Variants in FGF13 observed in about 807,000 individuals in gnomAD.
The protein encoded by FGF13 is fibroblast growth factor 13.
In FGF13, 2 loss-of-function variants were observed where a neutral mutation model predicts 19.5. That is an observed-to-expected ratio of 0.10 (90% CI 0.04 to 0.32). The LOEUF (loss-of-function observed/expected upper bound fraction) is 0.32. FGF13 is among the 10% of genes least tolerant of loss of function. FGF13 has a pLI of 1.00. For missense variants in FGF13, 113 were observed against 192.7 expected, an observed-to-expected ratio of 0.59 and a Z score of 2.45; for synonymous variants, 72 against 76.9, an observed-to-expected ratio of 0.94 and a Z score of 0.33.
At chrX:138,751,269 C>G (rs774183851) in intron 3 of FGF13, among the ~76,000 whole-genome samples, 1 of 111,280 alleles carries the variant, frequency 9.0e-6, no homozygotes, top group Admixed American at 9.5e-5. Context: ...ATGCACTATA[C>G]GCCAGACTAG....
chrX:139,187,775 T>A (rs928089591), intron 1 of FGF13, among the ~76,000 whole-genome samples: 1 of 112,107 alleles, frequency 8.9e-6, no homozygotes, highest in African/African-American at 3.2e-5. Flanking sequence ...AAAAACTGCA[T>A]TTTCAATATT....
chrX:138,831,624 C>A (rs143256374), intron 3 of FGF13, among the ~76,000 whole-genome samples: 2 of 111,605 alleles, frequency 1.8e-5, no homozygotes, highest in African/African-American at 6.5e-5. Flanking sequence ...ATATTCTATT[C>A]CTGTCCTTCC....
chrX:138,994,644 C>A (rs1328236752), intron 1 of FGF13, among the ~76,000 whole-genome samples: 1 of 110,720 alleles, frequency 9.0e-6, no homozygotes, highest in Non-Finnish European at 1.9e-5. Flanking sequence ...GCATTTGCAT[C>A]AATATTCATA....
Position 139,009,281 on chromosome X carries a change from A to G in FGF13, c.-112-144631T>C, listed in dbSNP as rs924589303. On this transcript the variant is annotated intron_variant, in intron 1 of 2. Coordinates refer to the FGF13 transcript ENST00000421460. ...TGACCTTGCTAGAGATCTAGAAATC[A>G]AAATACAAGAAGCTCAAAGAACACC... 4.5e-5 allele frequency among the ~76,000 whole-genome samples: 5 copies of G among 111,661 alleles called. No individual in the cohort carries two copies. The Admixed American group carries it at 4.7e-4, about 11-fold the overall frequency.
At chrX:138,960,933 C>T (rs2091866273) in intron 1 of FGF13, among the ~76,000 whole-genome samples, 1 of 111,405 alleles carries the variant, frequency 9.0e-6, no homozygotes, top group Non-Finnish European at 1.9e-5. Context: ...AGGTTTTTAG[C>T]TTCCTGGCGA....
intron 1 of FGF13, among the ~76,000 whole-genome samples, chrX:139,142,050 CA>C (rs1398652835): frequency 8.9e-6 from 1 of 111,770 alleles, no homozygotes; most frequent in Non-Finnish European, 1.9e-5. Context: ...TTAAGGTACA[CA>C]TTCTGCCTGA....
intron 1 of FGF13, among the ~76,000 whole-genome samples, chrX:139,139,938 T>A (rs368108296): frequency 1.8e-5 from 2 of 111,576 alleles, no homozygotes; most frequent in East Asian, 5.7e-4. Context: ...ATTTTCCTTC[T>A]ATGTCTTTAA....
intron 3 of FGF13, among the ~76,000 whole-genome samples, chrX:138,644,482 G>A (rs1428053760): frequency 2.7e-5 from 3 of 110,534 alleles, no homozygotes; most frequent in African/African-American, 9.9e-5. Flanking sequence ...GTTTTACCAT[G>A]TTGGCCAGGC....
chrX:139,139,478 G>C (rs568116734), intron 1 of FGF13, among the ~76,000 whole-genome samples: 1 of 112,205 alleles, frequency 8.9e-6, no homozygotes, highest in Non-Finnish European at 1.9e-5. Flanking sequence ...ATTCCTTACA[G>C]GCTTAAAAAG....
At chrX:139,167,081 C>T (rs1390801871) in intron 1 of FGF13, among the ~76,000 whole-genome samples, 1 of 111,960 alleles carries the variant, frequency 8.9e-6, no homozygotes, top group African/African-American at 3.2e-5. Flanking sequence ...CCCAGTAAGA[C>T]TCACATCAAA....
At chrX:139,081,728 C>CTCTCTCTCTCTCTG (rs1408161753) in intron 1 of FGF13, among the ~76,000 whole-genome samples, 61 of 110,811 alleles carry the variant, frequency 5.5e-4, no homozygotes, top group African/African-American at 2.0e-3. Flanking sequence ...TAATTCCTCT[C>CTCTCTCTCTCTCTG]TCTCTCTCTC....
intron 3 of FGF13, among the ~76,000 whole-genome samples, chrX:138,685,718 C>T (rs2089774991): frequency 9.0e-6 from 1 of 111,440 alleles, no homozygotes; most frequent in Admixed American, 9.6e-5. Context: ...TATAATCCTA[C>T]TCTTAGAATC....
At chrX:139,053,597 C>T (rs758612733) in intron 1 of FGF13, among the ~76,000 whole-genome samples, 7 of 110,675 alleles carry the variant, frequency 6.3e-5, no homozygotes, top group Admixed American at 1.9e-4. Flanking sequence ...TTTGATGGGA[C>T]TGTGTGGTTA....
intron 3 of FGF13, among the ~76,000 whole-genome samples, chrX:138,813,111 A>AAGTCTTTGCTATTGTG: frequency 9.0e-6 from 1 of 111,263 alleles, no homozygotes; most frequent in Admixed American, 9.5e-5. Context: ...ATGGGCATTT[A>AAGTCTTTGCTATTGTG]AATAGTGTTG....
At chrX:139,166,943 C>T (rs2084091803) in intron 1 of FGF13, among the ~76,000 whole-genome samples, 1 of 111,229 alleles carries the variant, frequency 9.0e-6, no homozygotes, top group Non-Finnish European at 1.9e-5. Flanking sequence ...CATGATCTGG[C>T]CCAATCTCAA....
chrX:138,690,254 T>A (rs537391451), intron 3 of FGF13, among the ~76,000 whole-genome samples: 1 of 111,164 alleles, frequency 9.0e-6, no homozygotes, highest in Non-Finnish European at 1.9e-5. Flanking sequence ...ATGATAACTC[T>A]TTTTTTTAGA....
At chrX:139,058,565 C>A (rs772638541) in intron 1 of FGF13, among the ~76,000 whole-genome samples, 2 of 111,414 alleles carry the variant, frequency 1.8e-5, no homozygotes, top group Non-Finnish European at 3.8e-5. Flanking sequence ...TTTTCTATAT[C>A]AGTTGTTAGA....
intron 1 of FGF13, among the ~76,000 whole-genome samples, chrX:138,870,250 T>G (rs1162090462): frequency 1.8e-5 from 2 of 111,970 alleles, no homozygotes; most frequent in Non-Finnish European, 3.8e-5. Flanking sequence ...CATTAGGAAT[T>G]GTCACATTAT....
rs897431872 is a variant in FGF13, at chrX:138,620,496, A to G, written c.*12354T>C. ...TAAAATAAAAATAAAAATTATTAAA[A>G]AAAAAGAAATCAAACCATAGTACTA... On this transcript the variant is annotated 3_prime_UTR_variant, in exon 5 of 5. Coordinates refer to ENST00000315930, the MANE Select transcript of FGF13 (RefSeq NM_004114.5). 9.0e-6 allele frequency: 1 copy of G among 111,572 alleles called. No homozygotes were observed. Among genetic ancestry groups the G allele is most frequent in the Non-Finnish European group, 1.9e-5 (1 of 53,125 alleles). 9.2% of individuals were successfully genotyped at this position (111,572 alleles called of 1,213,427 possible). A position where few individuals can be genotyped will look rare whatever the true frequency, so the allele number is the denominator to read the frequency against.
Sources: gnomAD v4.1 joint callset for allele counts (sites outside exome capture counted in the v4.1 genomes callset) on GRCh38, gnomAD v4.1.1 for gene constraint, MANE v1.5 for transcripts, NCBI Gene and HGNC (gene_info 2026-07-23, HGNC 2026-07-21) for gene names.